The following RIMS2 variants were observed in gnomAD, a reference collection of about 807,000 sequenced individuals.
RIMS2 encodes regulating synaptic membrane exocytosis protein 2.
RIMS2 carries 59 observed loss-of-function variants against 174.4 expected under a neutral mutation model. The ratio of observed to expected loss-of-function variants is 0.34; its 90% CI spans 0.27 to 0.42. The LOEUF (loss-of-function observed/expected upper bound fraction) is 0.42, where lower values mean the gene tolerates loss of function less well. Among genes scored for constraint, RIMS2 ranks in the 10% least tolerant of loss-of-function variants. The probability of loss-of-function intolerance (pLI) is 1.00; values close to 1 mark genes in which losing one functional copy is unlikely to be tolerated. For missense variants in RIMS2, 1,620 were observed against 1,666.3 expected, an observed-to-expected ratio of 0.97 and a Z score of 0.48; for synonymous variants, 606 against 572.5, an observed-to-expected ratio of 1.06 and a Z score of -0.84.
chr8:103,797,548 G>T (rs1422785771), intron 3 of RIMS2, among the ~76,000 whole-genome samples: 2 of 152,110 alleles, frequency 1.3e-5, no homozygotes, highest in African/African-American at 4.8e-5. Context: ...AAAGAATCTG[G>T]TAATTTTCCC....
At chr8:103,814,168 G>A (rs117927070) in intron 3 of RIMS2, among the ~76,000 whole-genome samples, 1,527 of 152,202 alleles carry the variant, frequency 0.01, 20 homozygotes, top group South Asian at 0.049. Flanking sequence ...AATACTATAT[G>A]TTCTCACTTA....
intron 1 of RIMS2, among the ~76,000 whole-genome samples, chr8:103,588,977 A>G (rs2094116875): frequency 2.0e-5 from 3 of 151,850 alleles, no homozygotes; most frequent in East Asian, 1.9e-4. Context: ...GAGACAACCC[A>G]TGGAATGGGA....
At chr8:104,232,421 C>G (rs1043620564) in intron 19 of RIMS2, among the ~76,000 whole-genome samples, 1 of 152,176 alleles carries the variant, frequency 6.6e-6, no homozygotes, top group Non-Finnish European at 1.5e-5. Context: ...CAACATGTTT[C>G]CTTTCAGGTG....
rs571710174 is a variant in RIMS2, at chr8:103,855,839, G to A, written c.699-29459G>A. On this transcript the variant is annotated intron_variant, in intron 3 of 23. Coordinates refer to ENST00000504942, the Ensembl canonical transcript of RIMS2. The stretch of plus-strand genomic sequence containing the variant: ...GAACAGCGTATATTTTGTGGTTGTC[G>A]GGTGGAGTGTTCTGTACATGTCTAT... Among the ~76,000 whole-genome samples, 8 of 152,160 alleles carry A rather than the reference G, an allele frequency of 5.3e-5. No homozygotes were observed. In the South Asian group the frequency reaches 8.3e-4, roughly 16 times the overall value.
chr8:103,771,372 C>T (rs2098251904), intron 3 of RIMS2, among the ~76,000 whole-genome samples: 2 of 152,096 alleles, frequency 1.3e-5, no homozygotes, highest in Non-Finnish European at 1.5e-5. Flanking sequence ...ATATTTCTTA[C>T]ATTTGAAATT....
chr8:103,930,563 T>G (rs2079715057), intron 11 of RIMS2, among the ~76,000 whole-genome samples: 1 of 152,044 alleles, frequency 6.6e-6, no homozygotes, highest in African/African-American at 2.4e-5. Context: ...GGATATGAAG[T>G]TCCCTTCCCT....
intron 1 of RIMS2, among the ~76,000 whole-genome samples, chr8:103,650,547 A>T: frequency 6.6e-6 from 1 of 152,174 alleles, no homozygotes; most frequent in East Asian, 1.9e-4. Flanking sequence ...GAGATAGAGA[A>T]CCCCTGGGAG....
At chr8:103,900,283 G>A (rs570067589) in intron 4 of RIMS2, among the ~76,000 whole-genome samples, 2 of 151,774 alleles carry the variant, frequency 1.3e-5, no homozygotes, top group Admixed American at 6.5e-5. Context: ...GAGTGCAATG[G>A]TGTGATCTCA....
chr8:103,595,383 T>C (rs2094443936), intron 1 of RIMS2, among the ~76,000 whole-genome samples: 2 of 151,910 alleles, frequency 1.3e-5, no homozygotes. Context: ...TTTCCAGAAA[T>C]ACAGTGTCTT....
intron 19 of RIMS2, among the ~76,000 whole-genome samples, chr8:104,065,961 A>G (rs1283138730): frequency 6.6e-6 from 1 of 152,180 alleles, no homozygotes; most frequent in Non-Finnish European, 1.5e-5. Flanking sequence ...TAAAAGTTAT[A>G]TTGCATAAAT....
chr8:104,068,709 CAT>C (rs1214972709), intron 19 of RIMS2, 97 bp downstream of exon 23: 1 of 655,382 alleles, frequency 1.5e-6, no homozygotes, highest in Non-Finnish European at 2.7e-6. Flanking sequence ...CAGACACAAA[CAT>C]ATAATGCCAT....
chr8:104,163,673 G>A (rs1382476814), intron 19 of RIMS2, among the ~76,000 whole-genome samples: 3 of 152,162 alleles, frequency 2.0e-5, no homozygotes, highest in Non-Finnish European at 2.9e-5. Flanking sequence ...GGAATCTAGT[G>A]TATTTCTCTT....
At chr8:103,713,426 A>C (rs67952889) in intron 2 of RIMS2, among the ~76,000 whole-genome samples, 58,384 of 150,814 alleles carry the variant, frequency 0.39, 11,516 homozygotes, top group African/African-American at 0.44. Flanking sequence ...GGAAGAACCC[A>C]CAAATCTACA....
At chr8:103,662,267 T>A (rs543763062) in intron 1 of RIMS2, among the ~76,000 whole-genome samples, 1 of 152,314 alleles carries the variant, frequency 6.6e-6, no homozygotes, top group Admixed American at 6.5e-5. Context: ...ATGGTGGTGA[T>A]CTCTTCTAAA....
chr8:103,988,601 A>C (rs2094504151), intron 16 of RIMS2, among the ~76,000 whole-genome samples: 1 of 152,146 alleles, frequency 6.6e-6, no homozygotes, highest in South Asian at 2.1e-4. Flanking sequence ...CTGGGATTGC[A>C]GGCATGCACC....
At chr8:104,130,149 A>G (rs1274777955) in intron 19 of RIMS2, among the ~76,000 whole-genome samples, 1 of 152,226 alleles carries the variant, frequency 6.6e-6, no homozygotes. Flanking sequence ...CATAGACAAA[A>G]TATCCAAATG....
chr8:103,661,693 A>G (rs1333593013), intron 1 of RIMS2, among the ~76,000 whole-genome samples: 1 of 152,128 alleles, frequency 6.6e-6, no homozygotes, highest in Admixed American at 6.5e-5. Flanking sequence ...TTTAGTAGAG[A>G]TGGGGTTTCA....
intron 1 of RIMS2, among the ~76,000 whole-genome samples, chr8:103,599,860 T>G (rs148010839): frequency 6.6e-6 from 1 of 152,298 alleles, no homozygotes; most frequent in African/African-American, 2.4e-5. Flanking sequence ...AATAGGTATC[T>G]GTTCCTTCAA....
chr8:104,088,981 A>G (rs1261233342), intron 19 of RIMS2, among the ~76,000 whole-genome samples: 1 of 151,990 alleles, frequency 6.6e-6, no homozygotes, highest in Non-Finnish European at 1.5e-5. Context: ...ATCCTGAAGA[A>G]TAATCATTTC....
Sources: gnomAD v4.1 joint callset for allele counts (sites outside exome capture counted in the v4.1 genomes callset) on GRCh38, gnomAD v4.1.1 for gene constraint, MANE v1.5 for transcripts, NCBI Gene and HGNC (gene_info 2026-07-23, HGNC 2026-07-21) for gene names.